Variants in LEPROTL1 observed in about 807,000 individuals in gnomAD.
LEPROTL1 encodes the protein leptin receptor overlapping transcript-like 1.
A neutral mutation model predicts 15.4 loss-of-function variants in LEPROTL1; 6 were observed. The ratio of observed to expected loss-of-function variants is 0.39; its 90% CI spans 0.21 to 0.77. LEPROTL1 has a LOEUF of 0.77. Among genes scored for constraint, LEPROTL1 ranks in the 30% least tolerant of loss-of-function variants. The probability of loss-of-function intolerance (pLI) is 0.41; values close to 1 mark genes in which losing one functional copy is unlikely to be tolerated. For missense variants in LEPROTL1, 128 were observed against 158.1 expected, an observed-to-expected ratio of 0.81 and a Z score of 1.02; for synonymous variants, 56 against 52.6, an observed-to-expected ratio of 1.06 and a Z score of -0.28.
At chr8:30,120,580 G>T (rs1802815854) in intron 3 of LEPROTL1, among the ~76,000 whole-genome samples, 1 of 152,080 alleles carries the variant, frequency 6.6e-6, no homozygotes, top group Admixed American at 6.6e-5. Context: ...ACCCAGGCTG[G>T]AGTGCAGTGG....
At chr8:30,131,710 G>A (rs1235624172) in intron 3 of LEPROTL1, 1 of 439,622 alleles carries the variant, frequency 2.3e-6, no homozygotes, top group South Asian at 2.5e-5. Context: ...CATCTAGACT[G>A]TAAACCTTAA....
intron 3 of LEPROTL1, among the ~76,000 whole-genome samples, chr8:30,115,520 G>GCA (rs1443485129): frequency 6.9e-6 from 1 of 145,468 alleles, no homozygotes; most frequent in Non-Finnish European, 1.5e-5. Context: ...CTACAGGCAC[G>GCA]CACCACCATG....
At chr8:30,138,257 T>G (rs1336275210), downstream of LEPROTL1, 1 of 298,190 alleles carries the variant, frequency 3.4e-6, no homozygotes, top group Middle Eastern at 1.0e-3. Flanking sequence ...CTTTCTTTAC[T>G]GCAATTCCCC....
In LEPROTL1 at chr8:30,108,125, C is replaced by A; in HGVS notation, c.*2263C>A. On this transcript the variant is annotated 3_prime_UTR_variant, in exon 4 of 4. Transcript: ENST00000321250. ...TATGGCACACTTTCATTCTGAAGTG[C>A]ATTAACATTCTAATAAGGTGATGTA... The A allele has an allele frequency of 2.1e-6, 1 of 472,244 alleles. No homozygotes were observed. The highest frequency in any genetic ancestry group is 2.8e-6 in the Non-Finnish European group (1 of 361,196). 29.3% of individuals were successfully genotyped at this position (472,244 alleles called of 1,614,324 possible).
downstream of LEPROTL1, among the ~76,000 whole-genome samples, chr8:30,112,434 A>ATTTTTTTTTTTTTTTTTTTTTTT (rs1802669077): frequency 2.4e-5 from 1 of 41,854 alleles, no homozygotes. Flanking sequence ...TTTTTTTTGG[A>ATTTTTTTTTTTTTTTTTTTTTTT]TTTTTGGTAG....
chr8:30,098,758 C>G (rs563450705), intron 1 of LEPROTL1, among the ~76,000 whole-genome samples: 3 of 152,320 alleles, frequency 2.0e-5, no homozygotes, highest in Non-Finnish European at 4.4e-5. Flanking sequence ...CTGCTACATT[C>G]ATTCCACAAA....
intron 4 of LEPROTL1, chr8:30,132,742 A>G (rs1803053412): frequency 6.4e-7 from 1 of 1,551,720 alleles, no homozygotes. Flanking sequence ...AGGGAAAAAG[A>G]GCAAGTAGCT....
chr8:30,109,165 A>G (rs1360061362), downstream of LEPROTL1, among the ~76,000 whole-genome samples: 1 of 152,230 alleles, frequency 6.6e-6, no homozygotes, highest in Non-Finnish European at 1.5e-5. Flanking sequence ...ATAACTTTTA[A>G]TCAATGCACC....
intron 4 of LEPROTL1, among the ~76,000 whole-genome samples, chr8:30,133,878 C>T (rs1803082347): frequency 6.6e-6 from 1 of 151,898 alleles, no homozygotes; most frequent in Non-Finnish European, 1.5e-5. Flanking sequence ...CAAACAGAGC[C>T]AGGAAAAGGT....
At position 30,095,492 on chromosome 8, in the gene LEPROTL1, G is replaced by C. The variant is rs1451063012; in HGVS notation, c.-21G>C. On this transcript the variant is annotated 5_prime_UTR_variant, in exon 1 of 4. Coordinates refer to ENST00000321250, the MANE Select transcript of LEPROTL1 (RefSeq NM_015344.3). ...TGCCGCCGCCGCCTCGGGTCGTGGAGCCAGGAGCGACGTCACCGCCATGGC... is the reference window on the plus strand; with the variant it reads ...TGCCGCCGCCGCCTCGGGTCGTGGACCCAGGAGCGACGTCACCGCCATGGC... The C allele has an allele frequency of 2.7e-6, 4 of 1,463,060 alleles. No individual in the cohort carries two copies. Among genetic ancestry groups the C allele is most frequent in the Non-Finnish European group, 3.6e-6 (4 of 1,111,750 alleles). The allele number at this position is 1,463,060 out of a possible 1,614,324, so 90.6% of individuals were successfully genotyped here.
chr8:30,131,935 G>A (rs148565192), intron 3 of LEPROTL1: 234 of 1,538,612 alleles, frequency 1.5e-4, no homozygotes, highest in Non-Finnish European at 2.0e-4. Flanking sequence ...GAAAGCCAGG[G>A]AAAGATGTCA....
intron 1 of LEPROTL1, among the ~76,000 whole-genome samples, chr8:30,097,698 T>TAC (rs71204262): frequency 0.012 from 1,299 of 108,728 alleles, 54 homozygotes; most frequent in African/African-American, 0.042. Context: ...TATATATATA[T>TAC]ACACACACAC....
chr8:30,095,587 G>T lies in LEPROTL1; in HGVS notation c.16+59G>T. ...GGCCGGCGGGGGAAGATGGGCCGGGGGTCCCACGCGGCCCCCGCACTTCCC... is the reference window on the plus strand; with the variant it reads ...GGCCGGCGGGGGAAGATGGGCCGGGTGTCCCACGCGGCCCCCGCACTTCCC... On this transcript the variant is annotated intron_variant, in intron 1 of 3. Coordinates refer to ENST00000321250, the MANE Select transcript of LEPROTL1 (RefSeq NM_015344.3). 5 of 1,272,854 alleles carry T rather than the reference G, an allele frequency of 3.9e-6. No individual in the cohort carries two copies. In the South Asian group the frequency reaches 1.0e-4, roughly 26 times the overall value. 78.8% of individuals were successfully genotyped at this position (1,272,854 alleles called of 1,614,324 possible).
chr8:30,113,908 A>G, intron 3 of LEPROTL1, among the ~76,000 whole-genome samples: 1 of 152,198 alleles, frequency 6.6e-6, no homozygotes, highest in Non-Finnish European at 1.5e-5. Flanking sequence ...CTCCGTTTTT[A>G]CAGTTTTAAG....
downstream of LEPROTL1, among the ~76,000 whole-genome samples, chr8:30,111,905 G>A (rs16876487): frequency 0.13 from 19,104 of 152,046 alleles, 1,505 homozygotes; most frequent in East Asian, 0.23. Context: ...ATTCTGACAC[G>A]ATGATCTCTG....
chr8:30,117,971 A>G (rs951526323), intron 3 of LEPROTL1, among the ~76,000 whole-genome samples: 1 of 151,178 alleles, frequency 6.6e-6, no homozygotes, highest in Non-Finnish European at 1.5e-5. Flanking sequence ...AGAAATTAGT[A>G]TGAATCTACT....
At chr8:30,105,064 C>G (rs1802540436) in intron 3 of LEPROTL1, 1 of 152,338 alleles carries the variant, frequency 6.6e-6, no homozygotes, top group Non-Finnish European at 1.5e-5. Context: ...TCCCCCAGTG[C>G]TGAACAACCC....
chr8:30,125,505 C>T (rs1011494549), intron 3 of LEPROTL1, among the ~76,000 whole-genome samples: 6 of 152,290 alleles, frequency 3.9e-5, no homozygotes, highest in African/African-American at 1.4e-4. Flanking sequence ...GATTTTCTTC[C>T]ATTGCTTTCT....
chr8:30,135,018 T>G (rs958103039), intron 4 of LEPROTL1, among the ~76,000 whole-genome samples: 1 of 151,260 alleles, frequency 6.6e-6, no homozygotes, highest in Admixed American at 6.6e-5. Flanking sequence ...AAGCTGGAAC[T>G]TCAGACATGC....
Sources: allele counts gnomAD v4.1 joint callset (sites outside exome capture counted in the v4.1 genomes callset), GRCh38; gene constraint gnomAD v4.1.1; transcripts MANE v1.5; gene names NCBI Gene and HGNC (gene_info 2026-07-23, HGNC 2026-07-21).